Variants in PCDHGA8 observed in about 807,000 individuals in gnomAD.
The protein encoded by PCDHGA8 is protocadherin gamma subfamily A, 8.
PCDHGA8 carries 45 observed loss-of-function variants against 59.2 expected under a neutral mutation model. That is an observed-to-expected ratio of 0.76 (90% CI 0.60 to 0.98). The LOEUF (loss-of-function observed/expected upper bound fraction) is 0.98, where lower values mean the gene tolerates loss of function less well. Ranked by LOEUF, PCDHGA8 falls within the 50% of genes least tolerant of loss-of-function variation. The pLI is 0.00. For synonymous variants in PCDHGA8, 531 were observed against 519.0 expected (o/e 1.02, Z -0.32); for missense variants, 1,257 against 1,196.2 (o/e 1.05, Z -0.75).
At chr5:141,398,437 C>G (rs2093656645) in intron 1 of PCDHGA8, 20 of 1,556,582 alleles carry the variant, frequency 1.3e-5, no homozygotes, top group Non-Finnish European at 1.8e-5. Flanking sequence ...AGCTTGTGCT[C>G]TGGAATTTGA....
chr5:141,413,910 C>T, intron 1 of PCDHGA8: 1 of 1,613,376 alleles, frequency 6.2e-7, no homozygotes, highest in Non-Finnish European at 8.5e-7. Flanking sequence ...ACGCGCCGGT[C>T]TTCACCTTGC....
At chr5:141,448,200 T>C (rs2098574351) in intron 1 of PCDHGA8, among the ~76,000 whole-genome samples, 1 of 152,156 alleles carries the variant, frequency 6.6e-6, no homozygotes, top group Non-Finnish European at 1.5e-5. Context: ...CTTACAAACA[T>C]TTTCTGTGTG....
Position 141,431,704 on chromosome 5 carries a change from C to T in PCDHGA8, c.2424+36467C>T. On this transcript the variant is annotated intron_variant, in intron 1 of 3. Transcript: ENST00000398604. The surrounding 1 kb of genome is among the most constrained non-coding windows in gnomAD (Gnocchi z 4.8). ...TGGACCACGAGGAGTCAGGATTCTA[C>T]CAGATGGAAGTGCAAGCAATGGATA... 1 of 1,614,194 alleles carries T rather than the reference C, an allele frequency of 6.2e-7. No homozygotes were observed. The highest frequency in any genetic ancestry group is 8.5e-7 in the Non-Finnish European group (1 of 1,180,036).
chr5:141,396,112 A>G (rs916569843), intron 1 of PCDHGA8: 4 of 152,232 alleles, frequency 2.6e-5, no homozygotes, highest in Non-Finnish European at 2.9e-5. Flanking sequence ...TTAAGAACCA[A>G]TGTTTCAGGT....
At chr5:141,423,558 G>A (rs770532900) in intron 1 of PCDHGA8, 1 of 1,613,462 alleles carries the variant, frequency 6.2e-7, no homozygotes, top group African/African-American at 1.3e-5. Flanking sequence ...CCAACTATGG[G>A]GACACGCTCA....
intron 1 of PCDHGA8, chr5:141,415,740 G>GTTTTTTTT (rs57426385): frequency 1.3e-4 from 79 of 625,006 alleles, no homozygotes; most frequent in African/African-American, 1.8e-4. Flanking sequence ...GTTTATTAAG[G>GTTTTTTTT]TTTTTTTTTT....
chr5:141,420,547 G>A (rs898726649), intron 1 of PCDHGA8: 1 of 278,678 alleles, frequency 3.6e-6, no homozygotes, highest in Non-Finnish European at 6.4e-6. Context: ...TAAAATACAG[G>A]TATATTTTTA....
intron 1 of PCDHGA8, chr5:141,421,325 G>A: frequency 6.2e-7 from 1 of 1,613,906 alleles, no homozygotes; most frequent in Non-Finnish European, 8.5e-7. Context: ...AGGCAGATCC[G>A]ATATTCGGTG....
chr5:141,394,097 A>C lies in PCDHGA8; in HGVS notation c.1284A>C (p.Gly428=). The part of the protein sequence containing the change: ...YNITVMASDL[G]TPPLSTETQI... Reference sequence around the variant, plus strand: ...TCACAGTGATGGCCTCAGATCTAGGAACACCACCTCTGTCCACTGAAACTC... The same window carrying C: ...TCACAGTGATGGCCTCAGATCTAGGCACACCACCTCTGTCCACTGAAACTC... The change falls in exon 1 of 4, where the codon GGA becomes GGC. Residue 428 remains glycine, a synonymous_variant. Transcript: ENST00000398604. The C allele has an allele frequency of 6.2e-7, 1 of 1,613,932 alleles. No individual in the cohort carries two copies. Among genetic ancestry groups the C allele is most frequent in the South Asian group, 1.1e-5 (1 of 91,058 alleles).
At chr5:141,457,864 C>T (rs962336979) in intron 1 of PCDHGA8, among the ~76,000 whole-genome samples, 5 of 152,166 alleles carry the variant, frequency 3.3e-5, no homozygotes, top group African/African-American at 4.8e-5. Flanking sequence ...CTTCACTGAC[C>T]ACAGGTTAGG....
rs139156138 is a variant in PCDHGA8 at position 141,472,179 on chromosome 5, T to C, written c.2425-22628T>C. 5.1e-4 allele frequency among the ~76,000 whole-genome samples: 77 copies of C among 152,246 alleles called. 4 individuals are homozygous for C. The East Asian group carries it at 0.014, about 27-fold the overall frequency. On this transcript the variant is annotated intron_variant, in intron 1 of 3. Coordinates refer to ENST00000398604, the MANE Select transcript of PCDHGA8 (RefSeq NM_032088.2). ...TAGCTACTAGGTGTAATATCCAGTATTGGAATTTGAATCTTTTTGACACTA... is the reference window on the plus strand; with the variant it reads ...TAGCTACTAGGTGTAATATCCAGTACTGGAATTTGAATCTTTTTGACACTA...
At position 141,491,952 on chromosome 5, in the gene PCDHGA8, C is replaced by A; in HGVS notation, c.2425-2855C>A. 9.4e-7 allele frequency: 1 copy of A among 1,062,954 alleles called. No homozygotes were observed. The allele number at this position is 1,062,954 out of a possible 1,614,324, so 65.8% of individuals were successfully genotyped here. On this transcript the variant is annotated intron_variant, in intron 1 of 3. Coordinates refer to ENST00000398604, the MANE Select transcript of PCDHGA8 (RefSeq NM_032088.2). The surrounding 1 kb of genome is among the most constrained non-coding windows in gnomAD (Gnocchi z 6.9). ...GGTGGGACCGACCCCCACCCCTACA[C>A]TCAAAAAAGGCCGGGGCCTCCTTCG...
Position 141,490,652 on chromosome 5 carries a change from C to T in PCDHGA8, c.2425-4155C>T, listed in dbSNP as rs1277273880. The T allele has an allele frequency of 1.2e-6, 2 of 1,614,208 alleles. No individual in the cohort carries two copies. The highest frequency in any genetic ancestry group is 1.7e-6 in the Non-Finnish European group (2 of 1,180,026). On this transcript the variant is annotated intron_variant, in intron 1 of 3. Coordinates refer to ENST00000398604, the MANE Select transcript of PCDHGA8 (RefSeq NM_032088.2). The surrounding 1 kb of genome is among the most constrained non-coding windows in gnomAD (Gnocchi z 5.4). ...ATCCTAGAAAACCGGCCTCCGGGCT[C>T]CCTTCTTTGCACTGTGGCTGCCTCA...
At chr5:141,409,870 T>C in intron 1 of PCDHGA8, 1 of 1,612,788 alleles carries the variant, frequency 6.2e-7, no homozygotes, top group Non-Finnish European at 8.5e-7. Flanking sequence ...GAGACCGCAA[T>C]GACAACGCAC....
At chr5:141,428,147 G>C (rs771536400) in intron 1 of PCDHGA8, 1 of 1,589,612 alleles carries the variant, frequency 6.3e-7, no homozygotes, top group Admixed American at 1.7e-5. Flanking sequence ...GGCTGCACAC[G>C]GGAACCTGCT....
In PCDHGA8 at chr5:141,511,829, G is replaced by A. The variant is rs1181369164; in HGVS notation, c.*656G>A. 1 of 156,774 alleles carries A rather than the reference G, an allele frequency of 6.4e-6. No individual in the cohort carries two copies. Among genetic ancestry groups the A allele is most frequent in the Non-Finnish European group, 1.4e-5 (1 of 70,652 alleles). The allele number at this position is 156,774 out of a possible 1,614,324, so 9.7% of individuals were successfully genotyped here. Reference sequence around the variant, plus strand: ...TACCAAGCCTCTTCCCAACGCCCTGGGGACCAGTCTTCTGTTTTGTTTTTC... The same window carrying A: ...TACCAAGCCTCTTCCCAACGCCCTGAGGACCAGTCTTCTGTTTTGTTTTTC... On this transcript the variant is annotated 3_prime_UTR_variant, in exon 4 of 4. Transcript: ENST00000398604.
At chr5:141,399,911 G>T in intron 1 of PCDHGA8, 1 of 1,612,384 alleles carries the variant, frequency 6.2e-7, no homozygotes. Flanking sequence ...GCAGACTCAG[G>T]ACACAACGCC....
At chr5:141,404,524 G>GTTT in intron 1 of PCDHGA8, 7 of 1,613,938 alleles carry the variant, frequency 4.3e-6, no homozygotes, top group Non-Finnish European at 5.9e-6. Context: ...ACTATGAGCA[G>GTTT]TTTAGAGATT....
chr5:141,477,705 G>A lies in PCDHGA8; in HGVS notation c.2425-17102G>A, dbSNP rs1285254654. On this transcript the variant is annotated intron_variant, in intron 1 of 3. Coordinates refer to ENST00000398604, the MANE Select transcript of PCDHGA8 (RefSeq NM_032088.2). The surrounding 1 kb of genome is among the most constrained non-coding windows in gnomAD (Gnocchi z 4.9). ...TTAGTGCCCCTAGACTATGAGGATCGGCGGGAATTTGAATTAACAGCTCAT... is the reference window on the plus strand; with the variant it reads ...TTAGTGCCCCTAGACTATGAGGATCAGCGGGAATTTGAATTAACAGCTCAT... The A allele has an allele frequency of 6.2e-7, 1 of 1,614,008 alleles. No homozygotes were observed. Among genetic ancestry groups the A allele is most frequent in the Non-Finnish European group, 8.5e-7 (1 of 1,180,048 alleles).
Sources: allele counts gnomAD v4.1 joint callset (sites outside exome capture counted in the v4.1 genomes callset), GRCh38; gene constraint gnomAD v4.1.1; non-coding constraint Gnocchi (gnomAD v3.1); transcripts MANE v1.5; gene names NCBI Gene and HGNC (gene_info 2026-07-23, HGNC 2026-07-21).